Variants in CLEC19A observed in about 807,000 individuals in gnomAD.
CLEC19A encodes the protein C-type lectin domain containing 19A, also known as C-type lectin domain family 19 member A.
Under a neutral mutation model 26.1 loss-of-function variants are expected in CLEC19A, and 21 were observed. The observed-to-expected ratio is 0.80, with a 90% CI of 0.57 to 1.16. The LOEUF (loss-of-function observed/expected upper bound fraction) is 1.16, where lower values mean the gene tolerates loss of function less well. CLEC19A is among the 50% of genes most tolerant of loss of function. The pLI, the probability that CLEC19A is intolerant of heterozygous loss-of-function variation, is 0.00. For synonymous variants in CLEC19A, 89 were observed against 88.6 expected (o/e 1.00, Z -0.03); for missense variants, 224 against 227.6 (o/e 0.98, Z 0.10).
chr16:19,298,697 C>T lies in CLEC19A; in HGVS notation c.113C>T (p.Ser38Phe). The T allele has an allele frequency of 6.4e-7, 1 of 1,551,220 alleles. No homozygotes were observed. The highest frequency in any genetic ancestry group is 8.7e-7 in the Non-Finnish European group (1 of 1,147,118). The change falls in exon 2 of 5, where the codon TCC (serine) becomes TTC (phenylalanine). Residue 38 changes from serine to phenylalanine, a missense_variant. Ser to Phe is a radical substitution (Grantham distance 155, BLOSUM62 -2). Transcript: ENST00000636231. ...SPALPELPLP[S>F]LCPLFWMEFK... ...GCCCTGCCAGAGCTGCCCCTGCCTTCCCTGTGCCCCCTGTTCTGGATGGAG... is the reference window on the plus strand; with the variant it reads ...GCCCTGCCAGAGCTGCCCCTGCCTTTCCTGTGCCCCCTGTTCTGGATGGAG...
chr16:19,296,032 C>G (rs1897699150), intron 1 of CLEC19A, among the ~76,000 whole-genome samples: 1 of 152,200 alleles, frequency 6.6e-6, no homozygotes, highest in Non-Finnish European at 1.5e-5. Flanking sequence ...GCCCACTTAC[C>G]TCCCCCAGCA....
At chr16:19,303,419 A>G (rs1897876204) in intron 2 of CLEC19A, among the ~76,000 whole-genome samples, 1 of 152,136 alleles carries the variant, frequency 6.6e-6, no homozygotes, top group African/African-American at 2.4e-5. Flanking sequence ...GACTCTCACC[A>G]GGGTCCTCCA....
At chr16:19,297,855 T>C (rs1391403948) in intron 1 of CLEC19A, among the ~76,000 whole-genome samples, 2 of 152,184 alleles carry the variant, frequency 1.3e-5, no homozygotes, top group Non-Finnish European at 2.9e-5. Flanking sequence ...CATATTATTT[T>C]TATAATTTAG....
At chr16:19,300,840 C>T (rs1897803963) in intron 2 of CLEC19A, among the ~76,000 whole-genome samples, 1 of 152,164 alleles carries the variant, frequency 6.6e-6, no homozygotes, top group Non-Finnish European at 1.5e-5. Context: ...GGAGGACAGG[C>T]CAGTCCTATG....
At chr16:19,297,710 T>C (rs1360899901) in intron 1 of CLEC19A, among the ~76,000 whole-genome samples, 2 of 152,306 alleles carry the variant, frequency 1.3e-5, no homozygotes, top group East Asian at 3.9e-4. Context: ...TCTTTAATTT[T>C]TAGAAGTCAG....
Position 19,298,858 on chromosome 16 carries a change from C to T in CLEC19A, c.254+20C>T. On this transcript the variant is annotated intron_variant, in intron 2 of 4. Coordinates refer to ENST00000636231, the MANE Select transcript of CLEC19A (RefSeq NM_001256720.2). ...CCACAGGTAAGTGGGATCCCCAGTG[C>T]CCCATAGTTCAACTAAGCACCCCCT... 6.5e-7 allele frequency: 1 copy of T among 1,540,984 alleles called. No homozygotes were observed. Among genetic ancestry groups the T allele is most frequent in the Non-Finnish European group, 8.8e-7 (1 of 1,141,066 alleles).
intron 2 of CLEC19A, 191 bp from the exon 3 acceptor site, chr16:19,303,871 G>C: frequency 3.6e-6 from 2 of 549,380 alleles, no homozygotes; most frequent in South Asian, 4.7e-5. Flanking sequence ...AACTGGCATA[G>C]GTCAAATCCA....
At chr16:19,307,034 T>C (rs755944459) in intron 3 of CLEC19A, among the ~76,000 whole-genome samples, 3 of 152,216 alleles carry the variant, frequency 2.0e-5, no homozygotes, top group African/African-American at 2.4e-5. Flanking sequence ...CAACAGGACT[T>C]TCCTTGCAAT....
intron 3 of CLEC19A, 29 bp downstream of exon 3, chr16:19,304,184 T>A: frequency 6.6e-7 from 1 of 1,525,108 alleles, no homozygotes; most frequent in Non-Finnish European, 8.9e-7. Flanking sequence ...TTGGGCCCCC[T>A]TGGAAGCTCC....
intron 2 of CLEC19A, among the ~76,000 whole-genome samples, chr16:19,302,630 G>A (rs533295454): frequency 6.6e-6 from 1 of 152,308 alleles, no homozygotes; most frequent in East Asian, 1.9e-4. Context: ...CCAATAGTGG[G>A]AATCATTTTT....
chr16:19,304,093 G>A lies in CLEC19A; in HGVS notation c.286G>A (p.Val96Met), dbSNP rs752421830. The stretch of plus-strand genomic sequence containing the variant: ...GGAGAATGTCTTTGTATATGACCTC[G>A]TGAACAGCTGTGTTCCCGGCATCCC... ...WEENVFVYDLVNSCVPGIPAD... is the reference protein window; with the variant it reads ...WEENVFVYDLMNSCVPGIPAD... Residue 96 changes from valine (V) to methionine (M), a missense_variant, in exon 3 of 5, where the codon GTG becomes ATG. Transcript: ENST00000636231. 3.5e-5 allele frequency: 55 copies of A among 1,550,362 alleles called. No homozygotes were observed. The African/African-American group carries it at 3.7e-4, about 10-fold the overall frequency.
At chr16:19,299,725 G>A (rs1033864780) in intron 2 of CLEC19A, among the ~76,000 whole-genome samples, 1 of 152,078 alleles carries the variant, frequency 6.6e-6, no homozygotes, top group Middle Eastern at 3.2e-3. Context: ...AGCTCTCCTG[G>A]CACACTCCCT....
At chr16:19,297,521 A>G (rs1475732100) in intron 1 of CLEC19A, among the ~76,000 whole-genome samples, 3 of 152,230 alleles carry the variant, frequency 2.0e-5, no homozygotes, top group South Asian at 2.1e-4. Context: ...AGCTTTATGC[A>G]CAAAACTGCT....
At chr16:19,306,298 A>G (rs762080334) in intron 3 of CLEC19A, among the ~76,000 whole-genome samples, 4 of 151,632 alleles carry the variant, frequency 2.6e-5, no homozygotes, top group Non-Finnish European at 5.9e-5. Context: ...GGCAGGCACC[A>G]CCACACCTGG....
Position 19,309,652 on chromosome 16 carries a change from G to A in CLEC19A, c.*569G>A, listed in dbSNP as rs544520128. 6.6e-6 allele frequency: 1 copy of A among 152,192 alleles called. No individual in the cohort carries two copies. The highest frequency in any genetic ancestry group is 2.1e-4 in the South Asian group (1 of 4,826). 9.4% of individuals were successfully genotyped at this position (152,192 alleles called of 1,614,324 possible). On this transcript the variant is annotated 3_prime_UTR_variant, in exon 5 of 5. Transcript: ENST00000636231. The stretch of plus-strand genomic sequence containing the variant: ...GAGTAATTTTTTTTTTTGAGACAGA[G>A]TCTCACTCTGTTGCCCAGGCTGAAG...
intron 1 of CLEC19A, among the ~76,000 whole-genome samples, chr16:19,292,790 A>G (rs78092089): frequency 0.018 from 2,701 of 152,322 alleles, 52 homozygotes; most frequent in African/African-American, 0.043. Flanking sequence ...AGGTCAGAAC[A>G]TGTCTTTGAG....
chr16:19,305,666 G>A (rs1033990131), intron 3 of CLEC19A, among the ~76,000 whole-genome samples: 1 of 152,182 alleles, frequency 6.6e-6, no homozygotes, highest in Non-Finnish European at 1.5e-5. Flanking sequence ...GTAAAATGGG[G>A]ATGAAAATAA....
chr16:19,308,918 T>C (rs1898010409), intron 4 of CLEC19A, 86 bp from the exon 5 acceptor site: 3 of 1,047,056 alleles, frequency 2.9e-6, no homozygotes, highest in Non-Finnish European at 4.3e-6. Context: ...CTATTGGAGA[T>C]GGCTTTTACT....
chr16:19,293,538 C>T (rs907744435), intron 1 of CLEC19A, among the ~76,000 whole-genome samples: 1 of 151,998 alleles, frequency 6.6e-6, no homozygotes, highest in Non-Finnish European at 1.5e-5. Flanking sequence ...TCCCAGCTCA[C>T]TGAAGTCTTG....
Sources: gnomAD v4.1 joint callset for allele counts (sites outside exome capture counted in the v4.1 genomes callset) on GRCh38, gnomAD v4.1.1 for gene constraint, MANE v1.5 for transcripts, NCBI Gene and HGNC (gene_info 2026-07-23, HGNC 2026-07-21) for gene names.